Variants in PARVB observed in about 807,000 individuals in gnomAD.
PARVB encodes parvin beta, also known as beta-parvin.
In PARVB, 46 loss-of-function variants were observed where a neutral mutation model predicts 47.0. The ratio of observed to expected loss-of-function variants is 0.98; its 90% CI spans 0.77 to 1.25. PARVB has a LOEUF of 1.25. PARVB is among the 50% of genes most tolerant of loss of function. The probability of loss-of-function intolerance (pLI) is 0.00; values close to 1 mark genes in which losing one functional copy is unlikely to be tolerated. For synonymous variants in PARVB, 196 were observed against 196.3 expected (o/e 1.00, Z 0.01); for missense variants, 473 against 471.6 (o/e 1.00, Z -0.03).
chr22:44,032,201 A>G (rs569302234), intron 1 of PARVB, among the ~76,000 whole-genome samples: 1 of 152,356 alleles, frequency 6.6e-6, no homozygotes, highest in East Asian at 1.9e-4. Context: ...TCAGGCTGAC[A>G]TATTCAAATG....
intron 3 of PARVB, among the ~76,000 whole-genome samples, chr22:44,100,496 C>A (rs2052417572): frequency 6.6e-6 from 1 of 152,040 alleles, no homozygotes; most frequent in Non-Finnish European, 1.5e-5. Flanking sequence ...CAGATTTAAC[C>A]CTGAAAAGCA....
chr22:44,086,666 G>A, intron 1 of PARVB: 3 of 724,684 alleles, frequency 4.1e-6, no homozygotes, highest in Non-Finnish European at 5.1e-6. Context: ...ATCTCACTTA[G>A]GTCTTATTTT....
chr22:44,135,120 G>T (rs1340984081), intron 6 of PARVB, among the ~76,000 whole-genome samples: 2 of 152,202 alleles, frequency 1.3e-5, no homozygotes, highest in African/African-American at 2.4e-5. Flanking sequence ...CTGTGGGCTG[G>T]CCCAGCGGGA....
chr22:44,086,974 G>A lies in PARVB; in HGVS notation c.113-6954G>A, dbSNP rs373486016. 2.8e-4 allele frequency: 77 copies of A among 276,786 alleles called. No homozygotes were observed. The South Asian group carries it at 9.7e-3, about 35-fold the overall frequency. 17.1% of individuals were successfully genotyped at this position (276,786 alleles called of 1,614,324 possible). On this transcript the variant is annotated intron_variant, in intron 1 of 12. Transcript: ENST00000338758. ...CCAGCTGGGAAGAGGAGCTGGTGGC[G>A]TGAGTTGGCACAGAGCCGCACCTTT...
At chr22:44,017,075 C>T (rs1234486573) in intron 2 of PARVB, among the ~76,000 whole-genome samples, 1 of 151,820 alleles carries the variant, frequency 6.6e-6, no homozygotes, top group Non-Finnish European at 1.5e-5. Context: ...GGGTTTCGCC[C>T]TGTTGGCCAG....
At chr22:44,165,458 G>A (rs1255261010) in intron 12 of PARVB, among the ~76,000 whole-genome samples, 1 of 152,216 alleles carries the variant, frequency 6.6e-6, no homozygotes, top group Non-Finnish European at 1.5e-5. Context: ...GGCCCGGCCT[G>A]GGTCTCTGGG....
Position 44,065,186 on chromosome 22 carries a change from A to G in PARVB, c.113-28742A>G, listed in dbSNP as rs368529624. ...GGGGTTTTGTGGGGACCCTTTGTCT[A>G]TCTGCTTCGTCTTCCCCAGATGAAT... On this transcript the variant is annotated intron_variant, in intron 1 of 12. Transcript: ENST00000338758. 4.4e-4 allele frequency among the ~76,000 whole-genome samples: 67 copies of G among 151,874 alleles called. 1 individual carries two copies. In the Middle Eastern group the frequency reaches 0.01, roughly 23 times the overall value.
chr22:44,111,938 G>C (rs1448650071), intron 3 of PARVB: 1 of 152,024 alleles, frequency 6.6e-6, no homozygotes, highest in Non-Finnish European at 1.5e-5. Flanking sequence ...GAAGACGTCT[G>C]CAGCCTGGGA....
intron 2 of PARVB, among the ~76,000 whole-genome samples, chr22:44,008,335 C>G (rs1444892287): frequency 6.6e-6 from 1 of 152,080 alleles, no homozygotes; most frequent in South Asian, 2.1e-4. Context: ...GTCTCAAACT[C>G]TTGACCTCAA....
intron 1 of PARVB, among the ~76,000 whole-genome samples, chr22:44,073,835 G>A (rs1013998095): frequency 1.4e-4 from 21 of 152,242 alleles, no homozygotes; most frequent in Non-Finnish European, 2.6e-4. Flanking sequence ...TGGTGGGCTC[G>A]GCAGCTGGCC....
At chr22:44,015,193 TTAA>T (rs926762907) in intron 2 of PARVB, among the ~76,000 whole-genome samples, 1 of 152,142 alleles carries the variant, frequency 6.6e-6, no homozygotes, top group African/African-American at 2.4e-5. Flanking sequence ...TAACCTGCAT[TTAA>T]TAATGATACA....
chr22:44,095,587 GC>G (rs1299966210), intron 2 of PARVB, among the ~76,000 whole-genome samples: 1 of 152,172 alleles, frequency 6.6e-6, no homozygotes, highest in Non-Finnish European at 1.5e-5. Flanking sequence ...GCTGCCCGCG[GC>G]CTGGGCTTGC....
chr22:44,003,188 C>G (rs1401600238), intron 2 of PARVB, among the ~76,000 whole-genome samples: 1 of 152,180 alleles, frequency 6.6e-6, no homozygotes, highest in Non-Finnish European at 1.5e-5. Flanking sequence ...AGATAATAGC[C>G]AGCCTGGATC....
At chr22:44,091,809 T>C (rs2147038764) in intron 1 of PARVB, among the ~76,000 whole-genome samples, 1 of 152,336 alleles carries the variant, frequency 6.6e-6, no homozygotes, top group Non-Finnish European at 1.5e-5. Flanking sequence ...AACCTGTACC[T>C]AGGCTCTGAT....
intron 1 of PARVB, chr22:44,031,238 A>G (rs2050821550): frequency 6.6e-6 from 1 of 152,180 alleles, no homozygotes; most frequent in Non-Finnish European, 1.5e-5. Flanking sequence ...TGGTGAGTGG[A>G]ACTCCCTGGA....
chr22:44,118,377 C>T (rs62227723), intron 3 of PARVB, among the ~76,000 whole-genome samples: 38,660 of 152,126 alleles, frequency 0.25, 5,083 homozygotes, highest in East Asian at 0.42. Context: ...GGAAGTAGAT[C>T]GAATCACACA....
chr22:44,146,281 TCA>T (rs1488813992), intron 8 of PARVB: 1 of 123,774 alleles, frequency 8.1e-6, no homozygotes, highest in Non-Finnish European at 1.7e-5. Flanking sequence ...ACACACATGT[TCA>T]CACACAACCT....
At chr22:44,008,975 C>T (rs1358995434) in intron 2 of PARVB, among the ~76,000 whole-genome samples, 10 of 151,972 alleles carry the variant, frequency 6.6e-5, no homozygotes, top group East Asian at 1.9e-4. Flanking sequence ...GGCGACAGAA[C>T]GAGACTCCAT....
upstream of PARVB, among the ~76,000 whole-genome samples, chr22:44,023,885 C>T (rs760755867): frequency 2.6e-3 from 393 of 152,360 alleles, no homozygotes; most frequent in Non-Finnish European, 4.4e-3. Flanking sequence ...GGACAATTCC[C>T]AGTTCTGAAG....
Sources: gnomAD v4.1 joint callset for allele counts (sites outside exome capture counted in the v4.1 genomes callset) on GRCh38, gnomAD v4.1.1 for gene constraint, MANE v1.5 for transcripts, NCBI Gene and HGNC (gene_info 2026-07-23, HGNC 2026-07-21) for gene names.